The following SLC11A2 variants were observed in gnomAD, a reference collection of about 807,000 sequenced individuals.
SLC11A2 encodes solute carrier family 11 member 2.
A neutral mutation model predicts 68.0 loss-of-function variants in SLC11A2; 38 were observed. The ratio of observed to expected loss-of-function variants is 0.56; its 90% confidence interval spans 0.43 to 0.73. The LOEUF is 0.73. SLC11A2 is among the 30% of genes least tolerant of loss of function. The probability of loss-of-function intolerance (pLI) is 0.00; values close to 1 mark genes in which losing one functional copy is unlikely to be tolerated. For synonymous variants in SLC11A2, 242 were observed against 250.6 expected, an observed-to-expected ratio of 0.97 and a Z score of 0.32; for missense variants, 517 against 690.5, an observed-to-expected ratio of 0.75 and a Z score of 2.82.
At chr12:51,000,892 G>A (rs938189387) in intron 5 of SLC11A2, among the ~76,000 whole-genome samples, 3 of 151,948 alleles carry the variant, frequency 2.0e-5, no homozygotes, top group Admixed American at 6.6e-5. Flanking sequence ...CAGGCTGGGC[G>A]CGGTGGCTCA....
At position 51,026,316 on chromosome 12, in the gene SLC11A2, A is replaced by G. The variant is rs1015124009; in HGVS notation, c.-45T>C. 7.1e-6 allele frequency: 9 copies of G among 1,269,826 alleles called. No homozygotes were observed. Among genetic ancestry groups the G allele is most frequent in the African/African-American group, 1.5e-5 (1 of 65,102 alleles). 78.7% of individuals were successfully genotyped at this position (1,269,826 alleles called of 1,614,324 possible). ...GACCTTGCCTTCCCCTCACCTTACC[A>G]GCTCCGCAACCACCTGACACGCCGC... On this transcript the variant is annotated 5_prime_UTR_variant, in exon 1 of 16. Coordinates refer to ENST00000262052, the MANE Select transcript of SLC11A2 (RefSeq NM_000617.3).
At chr12:50,952,699 G>T in the SLC11A2 span, among the ~76,000 whole-genome samples, 1 of 152,138 alleles carries the variant, frequency 6.6e-6, no homozygotes, top group Non-Finnish European at 1.5e-5. Flanking sequence ...GCGCACCTGC[G>T]ATGGCCTTAC....
At chr12:50,993,909 T>C (rs1173042587) in intron 11 of SLC11A2, among the ~76,000 whole-genome samples, 7 of 142,942 alleles carry the variant, frequency 4.9e-5, no homozygotes, top group African/African-American at 1.0e-4. Context: ...GGAAAATCAC[T>C]TGGACCAGGT....
At chr12:50,988,994 G>A (rs966011488) in intron 15 of SLC11A2, among the ~76,000 whole-genome samples, 4 of 152,016 alleles carry the variant, frequency 2.6e-5, no homozygotes, top group African/African-American at 4.8e-5. Flanking sequence ...AATTACAAGC[G>A]TGAGCCACCT....
chr12:51,023,819 C>A (rs1944201540), intron 1 of SLC11A2, among the ~76,000 whole-genome samples: 1 of 152,078 alleles, frequency 6.6e-6, no homozygotes, highest in African/African-American at 2.4e-5. Context: ...TAGTAAGACT[C>A]CATCTCCACA....
In SLC11A2 at chr12:50,990,849, T is replaced by C. The variant is rs1454619485; in HGVS notation, c.1521A>G (p.Leu507=). The C allele has an allele frequency of 3.7e-6, 6 of 1,613,958 alleles. No individual in the cohort carries two copies. In the African/African-American group the frequency reaches 5.3e-5, roughly 14 times the overall value. The change falls in exon 15 of 16, where the codon TTA becomes TTG. Residue 507 remains leucine, a synonymous_variant. Coordinates refer to ENST00000262052, the MANE Select transcript of SLC11A2 (RefSeq NM_000617.3). ...VYVRDLGHVA[L]YVVAAVVSVA... ...CGCTGACCACAGCAGCCACCACATA[T>C]AATGCCACATGCCCTAGGTCCCGGA...
chr12:50,965,259 G>A, the SLC11A2 span, among the ~76,000 whole-genome samples: 1 of 151,276 alleles, frequency 6.6e-6, no homozygotes, highest in Non-Finnish European at 1.5e-5. Flanking sequence ...GACTACACGT[G>A]TGCACCACCA....
rs1941058443 is a variant in SLC11A2 at position 50,990,670 on chromosome 12, A to G, written c.1575+125T>C. ...AGCAATCCTCCCGCCTCAGCCTCCCAAAGTACTGGGATTATAGGCATGAGC... is the reference window on the plus strand; with the variant it reads ...AGCAATCCTCCCGCCTCAGCCTCCCGAAGTACTGGGATTATAGGCATGAGC... On this transcript the variant is annotated intron_variant, in intron 15 of 15. Coordinates refer to ENST00000262052, the MANE Select transcript of SLC11A2 (RefSeq NM_000617.3). 4.1e-6 allele frequency: 4 copies of G among 976,600 alleles called. No homozygotes were observed. The South Asian group carries it at 6.1e-5, about 15-fold the overall frequency. 60.5% of individuals were successfully genotyped at this position (976,600 alleles called of 1,614,324 possible). A position where few individuals can be genotyped will look rare whatever the true frequency, so the allele number is the denominator to read the frequency against.
At chr12:50,961,410 C>T in the SLC11A2 span, among the ~76,000 whole-genome samples, 1 of 152,118 alleles carries the variant, frequency 6.6e-6, no homozygotes, top group Non-Finnish European at 1.5e-5. Flanking sequence ...GGATAGATCA[C>T]AGCCTATATT....
chr12:51,024,121 A>G (rs1944228124), intron 1 of SLC11A2, among the ~76,000 whole-genome samples: 1 of 152,214 alleles, frequency 6.6e-6, no homozygotes, highest in Non-Finnish European at 1.5e-5. Context: ...TCATAAACTT[A>G]AAGTTTCTCA....
chr12:50,971,413 A>T, the SLC11A2 span, among the ~76,000 whole-genome samples: 1 of 152,196 alleles, frequency 6.6e-6, no homozygotes, highest in Non-Finnish European at 1.5e-5. Flanking sequence ...TTATTTGTTT[A>T]TTCATTTTTA....
downstream of SLC11A2, chr12:50,979,850 T>C (rs1241818665): frequency 1.3e-5 from 6 of 453,988 alleles, no homozygotes; most frequent in Admixed American, 2.4e-5. Context: ...GTCATATATT[T>C]AATGCTGAAA....
Position 50,991,617 on chromosome 12 carries a change from C to T in SLC11A2, c.1403G>A (p.Ser468Asn), listed in dbSNP as rs771926217. ...LTFTSLRPVM[S>N]DFANGLGWRI... ...CACTCACAGTCCATTGGCAAAGTCA[C>T]TCATTACTGGCCGCAAGCTCGTAAA... Residue 468 changes from serine to asparagine, a missense_variant, in exon 14 of 16, where the codon AGT becomes AAT. Ser to Asn is a conservative substitution (Grantham distance 46). Coordinates refer to ENST00000262052, the MANE Select transcript of SLC11A2 (RefSeq NM_000617.3). 6.2e-7 allele frequency: 1 copy of T among 1,613,918 alleles called. No individual in the cohort carries two copies. Among genetic ancestry groups the T allele is most frequent in the Admixed American group, 1.7e-5 (1 of 59,984 alleles).
intron 1 of SLC11A2, among the ~76,000 whole-genome samples, chr12:51,012,356 A>AAC (rs1555223307): frequency 3.3e-5 from 5 of 151,954 alleles, no homozygotes; most frequent in African/African-American, 4.8e-5. Context: ...TATTAAAAAA[A>AAC]AAATGTTTCA....
chr12:50,984,059 GC>G (rs1203445506), downstream of SLC11A2, among the ~76,000 whole-genome samples: 4 of 151,872 alleles, frequency 2.6e-5, no homozygotes, highest in Non-Finnish European at 5.9e-5. Context: ...AACCTGGGAG[GC>G]AGAGGTGGCA....
Position 50,987,657 on chromosome 12 carries a change from G to A in SLC11A2, c.*668C>T. ...AAAATCCTGAGAAGGTAATTAGTAA[G>A]CACCACCTAGCGATGTGGTGCTGGT... On this transcript the variant is annotated 3_prime_UTR_variant, in exon 16 of 16. Coordinates refer to ENST00000262052, the MANE Select transcript of SLC11A2 (RefSeq NM_000617.3). 1 of 1,287,172 alleles carries A rather than the reference G, an allele frequency of 7.8e-7. No individual in the cohort carries two copies. Among genetic ancestry groups the A allele is most frequent in the African/African-American group, 1.5e-5 (1 of 65,904 alleles). The allele number at this position is 1,287,172 out of a possible 1,614,324, so 79.7% of individuals were successfully genotyped here. A position where few individuals can be genotyped will look rare whatever the true frequency, so the allele number is the denominator to read the frequency against.
the SLC11A2 span, among the ~76,000 whole-genome samples, chr12:50,964,973 T>C: frequency 6.6e-6 from 1 of 152,218 alleles, no homozygotes; most frequent in East Asian, 1.9e-4. Flanking sequence ...TCCTCCTGCC[T>C]TGGCCTCCCA....
At position 50,986,843 on chromosome 12, in the gene SLC11A2, G is replaced by A. The variant is rs746988310; in HGVS notation, c.*1482C>T. 107 of 1,287,016 alleles carry A rather than the reference G, an allele frequency of 8.3e-5. 1 individual carries two copies. In the South Asian group the frequency reaches 1.1e-3, roughly 13 times the overall value. 79.7% of individuals were successfully genotyped at this position (1,287,016 alleles called of 1,614,324 possible). The stretch of plus-strand genomic sequence containing the variant: ...ATAAAAGACCATCCATCCAGTCTGC[G>A]CTTTTGACTGTGTGCAAGTATCAGT... On this transcript the variant is annotated 3_prime_UTR_variant, in exon 16 of 16. Transcript: ENST00000262052.
At chr12:51,016,452 G>A (rs1943657605) in intron 1 of SLC11A2, among the ~76,000 whole-genome samples, 1 of 152,028 alleles carries the variant, frequency 6.6e-6, no homozygotes, top group African/African-American at 2.4e-5. Flanking sequence ...GGGAGGCTGA[G>A]GCGGGCAGAT....
Sources: allele counts gnomAD v4.1 joint callset (sites outside exome capture counted in the v4.1 genomes callset), GRCh38; gene constraint gnomAD v4.1.1; transcripts MANE v1.5; gene names NCBI Gene and HGNC (gene_info 2026-07-23, HGNC 2026-07-21).